MDM1: variants seen among roughly 807,000 people sequenced by gnomAD.
MDM1 encodes the protein Mdm1 nuclear protein.
A neutral mutation model predicts 89.1 loss-of-function variants in MDM1; 61 were observed. The observed-to-expected ratio is 0.68, with a 90% CI of 0.56 to 0.85. The LOEUF (loss-of-function observed/expected upper bound fraction) is 0.85, where lower values mean the gene tolerates loss of function less well. Ranked by LOEUF, MDM1 falls within the 40% of genes least tolerant of loss-of-function variation. The pLI is 0.00. For missense variants in MDM1, 820 were observed against 846.5 expected, an observed-to-expected ratio of 0.97 and a Z score of 0.39; for synonymous variants, 290 against 294.1, an observed-to-expected ratio of 0.99 and a Z score of 0.14.
intron 3 of MDM1, chr12:68,326,260 G>C (rs1875958737): frequency 8.5e-7 from 1 of 1,174,646 alleles, no homozygotes; most frequent in African/African-American, 1.6e-5. Flanking sequence ...TTGAATTTCT[G>C]TTTGTCTTCT....
chr12:68,326,234 T>G (rs760405954), intron 3 of MDM1: 114 of 1,132,036 alleles, frequency 1.0e-4, no homozygotes, highest in Non-Finnish European at 1.2e-4. Flanking sequence ...CTCTCCTTCC[T>G]TTTGCATTTC....
chr12:68,316,419 A>C, intron 8 of MDM1, 162 bp downstream of exon 8: 1 of 961,958 alleles, frequency 1.0e-6, no homozygotes, highest in Non-Finnish European at 1.5e-6. Flanking sequence ...GCAAAAACTA[A>C]AACAATCAAG....
At chr12:68,327,474 C>T (rs906743441) in intron 2 of MDM1, 8 of 1,535,806 alleles carry the variant, frequency 5.2e-6, no homozygotes, top group South Asian at 3.6e-5. Context: ...TGAGATGTCA[C>T]TGTGCTGGAT....
At chr12:68,308,016 C>G (rs1200094136) in intron 12 of MDM1, among the ~76,000 whole-genome samples, 1 of 151,690 alleles carries the variant, frequency 6.6e-6, no homozygotes, top group African/African-American at 2.4e-5. Flanking sequence ...CTCGGCCTCC[C>G]TTTCTAATCT....
intron 2 of MDM1, among the ~76,000 whole-genome samples, chr12:68,329,608 C>T (rs1439627531): frequency 6.6e-6 from 1 of 152,160 alleles, no homozygotes; most frequent in Non-Finnish European, 1.5e-5. Flanking sequence ...CATCACACAG[C>T]TATTATAATT....
intron 12 of MDM1, among the ~76,000 whole-genome samples, chr12:68,312,174 C>T (rs1585869): frequency 0.18 from 27,983 of 151,984 alleles, 2,910 homozygotes; most frequent in Admixed American, 0.26. Flanking sequence ...CCTGACCCAC[C>T]TAAGCTATAA....
At position 68,316,269 on chromosome 12, in the gene MDM1, C is replaced by A; in HGVS notation, c.1036-16G>T. On this transcript the variant is annotated splice_polypyrimidine_tract_variant and intron_variant, in intron 8 of 14. Transcript: ENST00000682720. ...GTTCTTTAACCTATTCAGGAGAGTT[C>A]AGACATCATATACTATTGTAAATGC... is the stretch of plus-strand genomic sequence containing the variant. 1 of 1,604,722 alleles carries A rather than the reference C, an allele frequency of 6.2e-7. No individual in the cohort carries two copies. Among genetic ancestry groups the A allele is most frequent in the South Asian group, 1.1e-5 (1 of 89,750 alleles).
intron 3 of MDM1, chr12:68,326,105 A>G (rs766580599): frequency 4.0e-6 from 4 of 1,003,776 alleles, no homozygotes; most frequent in Non-Finnish European, 4.8e-6. Flanking sequence ...AAATGTGGAA[A>G]GCATTGAGAT....
Position 68,295,094 on chromosome 12 carries a change from A to G in MDM1, c.*160T>C. 2.1e-6 allele frequency: 1 copy of G among 482,184 alleles called. No homozygotes were observed. The highest frequency in any genetic ancestry group is 2.8e-5 in the South Asian group (1 of 35,818). 29.9% of individuals were successfully genotyped at this position (482,184 alleles called of 1,614,324 possible). A position where few individuals can be genotyped will look rare whatever the true frequency, so the allele number is the denominator to read the frequency against. On this transcript the variant is annotated 3_prime_UTR_variant, in exon 15 of 15. Coordinates refer to ENST00000682720, the MANE Select transcript of MDM1 (RefSeq NM_001354969.2). ...AATTCTTTAAAAGTTAAATTTGTAT[A>G]AGCCTATGTTAACAATTTCCAAGTA...
chr12:68,331,263 AATG>A (rs1205588544), intron 1 of MDM1, 42 bp from the exon 2 acceptor site: 2 of 1,074,562 alleles, frequency 1.9e-6, no homozygotes, highest in Non-Finnish European at 2.9e-6. Flanking sequence ...CCAATTAATG[AATG>A]ATGTTTTAAA....
chr12:68,307,487 A>T (rs995321793), intron 12 of MDM1, among the ~76,000 whole-genome samples: 4 of 152,108 alleles, frequency 2.6e-5, no homozygotes, highest in East Asian at 1.9e-4. Flanking sequence ...AATTTTTTTT[A>T]AAAATTAGCC....
chr12:68,295,380 A>G lies in MDM1; in HGVS notation c.2063-14T>C, dbSNP rs1332561622. The G allele has an allele frequency of 1.9e-6, 3 of 1,545,406 alleles. No homozygotes were observed. Among genetic ancestry groups the G allele is most frequent in the Non-Finnish European group, 1.8e-6 (2 of 1,125,076 alleles). ...ATCTGTCCTCATCTGCAATGAAAAA[A>G]TCCCGAGATTATATTCATTGCCAAA... On this transcript the variant is annotated splice_polypyrimidine_tract_variant and intron_variant, in intron 14 of 14. Coordinates refer to ENST00000682720, the MANE Select transcript of MDM1 (RefSeq NM_001354969.2).
intron 13 of MDM1, among the ~76,000 whole-genome samples, chr12:68,299,545 C>T (rs1225443815): frequency 6.6e-6 from 1 of 152,008 alleles, no homozygotes. Context: ...AAGATAGCTG[C>T]ATGCCAGGTC....
At chr12:68,301,129 T>C (rs1425471646) in intron 13 of MDM1, among the ~76,000 whole-genome samples, 3 of 152,150 alleles carry the variant, frequency 2.0e-5, no homozygotes, top group Admixed American at 6.5e-5. Flanking sequence ...ACACAAGTTA[T>C]CAAAACCTCT....
At chr12:68,302,985 A>ACACAAAC in intron 12 of MDM1, 113 bp from the exon 13 acceptor site, 3 of 966,798 alleles carry the variant, frequency 3.1e-6, no homozygotes, top group Non-Finnish European at 4.4e-6. Context: ...GAGAAATATG[A>ACACAAAC]GAGAATTTAT....
Position 68,316,250 on chromosome 12 carries a change from TA to T in MDM1, c.1038del (p.Glu348AsnfsTer23). 2 of 1,612,912 alleles carry T rather than the reference TA, an allele frequency of 1.2e-6. No individual in the cohort carries two copies. The highest frequency in any genetic ancestry group is 1.7e-6 in the Non-Finnish European group (2 of 1,179,416). On this transcript the variant is annotated frameshift_variant and splice_region_variant, in exon 9 of 15. Coordinates refer to ENST00000682720, the MANE Select transcript of MDM1 (RefSeq NM_001354969.2). LOFTEE classifies it high-confidence loss of function. Reference sequence around the variant, plus strand: ...AACTCAGCCTTTTCTCGGAGTTCTTTAACCTATTCAGGAGAGTTCAGACATC... The same window carrying T: ...AACTCAGCCTTTTCTCGGAGTTCTTTACCTATTCAGGAGAGTTCAGACATC... ...GSLNAMWYAE[V>X]KELREKAEFY...
At chr12:68,297,523 A>G (rs4913433) in intron 13 of MDM1, among the ~76,000 whole-genome samples, 59,944 of 152,108 alleles carry the variant, frequency 0.39, 12,314 homozygotes, top group African/African-American at 0.45. Flanking sequence ...GGGTTTGGGC[A>G]TACTGAGTAC....
At chr12:68,299,688 T>C (rs74481072) in intron 13 of MDM1, among the ~76,000 whole-genome samples, 4,160 of 152,266 alleles carry the variant, frequency 0.027, 184 homozygotes, top group African/African-American at 0.096. Flanking sequence ...TATAGGATTA[T>C]GTAAACAACC....
chr12:68,324,398 T>C (rs886551257), intron 4 of MDM1, among the ~76,000 whole-genome samples: 2 of 152,162 alleles, frequency 1.3e-5, no homozygotes, highest in Non-Finnish European at 2.9e-5. Flanking sequence ...TCCTATTTAC[T>C]AGGTTAATAA....
Sources: allele counts gnomAD v4.1 joint callset (sites outside exome capture counted in the v4.1 genomes callset), GRCh38; gene constraint gnomAD v4.1.1; transcripts MANE v1.5; gene names NCBI Gene and HGNC (gene_info 2026-07-23, HGNC 2026-07-21).